SLX4IP: variants seen among roughly 807,000 people sequenced by gnomAD.
SLX4IP encodes SLX4 interacting protein, also known as protein SLX4IP.
A neutral mutation model predicts 32.9 loss-of-function variants in SLX4IP; 34 were observed. The ratio of observed to expected loss-of-function variants is 1.03; its 90% CI spans 0.79 to 1.38. The LOEUF is 1.38. SLX4IP is among the 40% of genes most tolerant of loss of function. SLX4IP has a pLI of 0.00. For missense variants in SLX4IP, 444 were observed against 479.0 expected (o/e 0.93, Z 0.68); for synonymous variants, 172 against 171.7 (o/e 1.00, Z -0.01).
intron 6 of SLX4IP, among the ~76,000 whole-genome samples, chr20:10,619,788 A>T (rs1232598): frequency 6.6e-6 from 1 of 151,914 alleles, no homozygotes. Flanking sequence ...ATTCCTCTCG[A>T]TCTCTCTCTT....
intron 2 of SLX4IP, among the ~76,000 whole-genome samples, chr20:10,522,092 T>G (rs928296417): frequency 1.8e-4 from 27 of 152,258 alleles, no homozygotes; most frequent in African/African-American, 5.5e-4. Context: ...TCACCCCCCT[T>G]CAAGAGATTT....
At chr20:10,442,580 A>G (rs541355840) in intron 1 of SLX4IP, among the ~76,000 whole-genome samples, 11 of 152,360 alleles carry the variant, frequency 7.2e-5, no homozygotes, top group Non-Finnish European at 1.0e-4. Context: ...AGATATTTGG[A>G]AAATTGATCT....
chr20:10,578,545 G>A (rs957593353), intron 4 of SLX4IP, among the ~76,000 whole-genome samples: 7 of 152,272 alleles, frequency 4.6e-5, no homozygotes, highest in South Asian at 2.1e-4. Context: ...ATGGGTATTC[G>A]TGTACAAGTT....
intron 2 of SLX4IP, among the ~76,000 whole-genome samples, chr20:10,471,637 G>A (rs1333840782): frequency 5.3e-5 from 8 of 152,270 alleles, no homozygotes; most frequent in African/African-American, 1.7e-4. Flanking sequence ...CCTATCTAGG[G>A]GCAAGTCAGC....
At chr20:10,469,569 G>A (rs2065407293) in intron 2 of SLX4IP, among the ~76,000 whole-genome samples, 1 of 151,984 alleles carries the variant, frequency 6.6e-6, no homozygotes, top group Admixed American at 6.6e-5. Context: ...TCCAACATAT[G>A]TACAAAGCAT....
At chr20:10,436,142 T>G (rs1452789340) in intron 1 of SLX4IP, among the ~76,000 whole-genome samples, 1 of 152,200 alleles carries the variant, frequency 6.6e-6, no homozygotes, top group Non-Finnish European at 1.5e-5. Flanking sequence ...TGTAAGCCAG[T>G]TGGCTAGCGT....
chr20:10,467,163 T>C (rs1180529432), intron 2 of SLX4IP, among the ~76,000 whole-genome samples: 1 of 152,230 alleles, frequency 6.6e-6, no homozygotes, highest in Non-Finnish European at 1.5e-5. Context: ...GGTTTTTTCG[T>C]CTACTTAAAT....
At position 10,560,734 on chromosome 20, in the gene SLX4IP, C is replaced by G. The variant is rs1315893930; in HGVS notation, c.152C>G (p.Ser51Ter). 6.3e-7 allele frequency: 1 copy of G among 1,599,070 alleles called. No individual in the cohort carries two copies. Among genetic ancestry groups the G allele is most frequent in the East Asian group, 2.3e-5 (1 of 44,026 alleles). ...TTACTGTTAAAAGAAACCATTGATT[C>G]AAGAGTTCAGGAGTACTTGGAAGTT... ...VCLLLKETID[S>*]RVQEYLEVRK... The change falls in exon 4 of 8, where the codon TCA becomes TGA. Residue 51 changes from serine to a stop codon, truncating the protein, a stop_gained. Coordinates refer to ENST00000334534, the MANE Select transcript of SLX4IP (RefSeq NM_001009608.3). LOFTEE classifies it high-confidence loss of function.
At chr20:10,620,141 G>T (rs1600164344) in intron 6 of SLX4IP, among the ~76,000 whole-genome samples, 1 of 151,810 alleles carries the variant, frequency 6.6e-6, no homozygotes, top group East Asian at 1.9e-4. Context: ...TCCAGTGTAG[G>T]TCTAAAGCAA....
At chr20:10,567,646 A>G (rs2122510156) in intron 4 of SLX4IP, among the ~76,000 whole-genome samples, 1 of 152,370 alleles carries the variant, frequency 6.6e-6, no homozygotes, top group Non-Finnish European at 1.5e-5. Flanking sequence ...GAACTTTCAC[A>G]AAATGTATAA....
intron 2 of SLX4IP, among the ~76,000 whole-genome samples, chr20:10,491,062 G>T (rs1361180965): frequency 1.5e-5 from 2 of 135,982 alleles, no homozygotes; most frequent in Non-Finnish European, 3.3e-5. Flanking sequence ...CTGTCAGTAG[G>T]CTCCACTTTA....
intron 1 of SLX4IP, among the ~76,000 whole-genome samples, chr20:10,451,189 A>G (rs546781644): frequency 6.6e-6 from 1 of 150,620 alleles, no homozygotes; most frequent in African/African-American, 2.4e-5. Context: ...GAGACAGAGT[A>G]TCACTCTGTC....
intron 6 of SLX4IP, among the ~76,000 whole-genome samples, chr20:10,614,880 A>G (rs1352726413): frequency 2.6e-5 from 4 of 152,202 alleles, no homozygotes; most frequent in Admixed American, 6.5e-5. Flanking sequence ...ACATTTGACT[A>G]TGGAGTATTT....
chr20:10,487,395 G>A (rs1252054025), intron 2 of SLX4IP, among the ~76,000 whole-genome samples: 1 of 152,146 alleles, frequency 6.6e-6, no homozygotes, highest in African/African-American at 2.4e-5. Flanking sequence ...TTATGACTCA[G>A]TATTACAGAT....
At chr20:10,516,147 C>T (rs1262264363) in intron 2 of SLX4IP, among the ~76,000 whole-genome samples, 1 of 152,172 alleles carries the variant, frequency 6.6e-6, no homozygotes, top group Non-Finnish European at 1.5e-5. Context: ...CTCGGCCTCC[C>T]AAAATGCTGG....
intron 2 of SLX4IP, among the ~76,000 whole-genome samples, chr20:10,498,443 C>T (rs1055448139): frequency 2.0e-5 from 3 of 152,032 alleles, no homozygotes; most frequent in African/African-American, 7.2e-5. Flanking sequence ...GGTATCTACC[C>T]TGCCTCCTGT....
At chr20:10,474,706 T>TCCCTTACC (rs915245986) in intron 2 of SLX4IP, among the ~76,000 whole-genome samples, 1 of 152,216 alleles carries the variant, frequency 6.6e-6, no homozygotes, top group African/African-American at 2.4e-5. Context: ...TTTTTTTCCC[T>TCCCTTACC]CCCTTACCAC....
At chr20:10,572,297 C>T (rs2066475683) in intron 4 of SLX4IP, among the ~76,000 whole-genome samples, 2 of 152,192 alleles carry the variant, frequency 1.3e-5, no homozygotes, top group Admixed American at 6.5e-5. Flanking sequence ...TTTGGTATCC[C>T]TATTAAGGAG....
intron 1 of SLX4IP, among the ~76,000 whole-genome samples, chr20:10,456,507 A>G (rs2065286884): frequency 6.6e-6 from 1 of 151,948 alleles, no homozygotes; most frequent in African/African-American, 2.4e-5. Context: ...ATGCCCAGCT[A>G]ATTTTTGTAT....
Sources: gnomAD v4.1 joint callset for allele counts (sites outside exome capture counted in the v4.1 genomes callset) on GRCh38, gnomAD v4.1.1 for gene constraint, MANE v1.5 for transcripts, NCBI Gene and HGNC (gene_info 2026-07-23, HGNC 2026-07-21) for gene names.